The following CCDC66 variants were observed in gnomAD, a reference collection of about 807,000 sequenced individuals.
CCDC66 encodes the protein coiled-coil domain-containing protein 66.
CCDC66 carries 133 observed loss-of-function variants against 128.3 expected under a neutral mutation model. That is an observed-to-expected ratio of 1.04 (90% confidence interval 0.90 to 1.20). The LOEUF (loss-of-function observed/expected upper bound fraction) is 1.20. Ranked by LOEUF, CCDC66 falls within the 50% of genes most tolerant of loss-of-function variation. The pLI is 0.00. For missense variants in CCDC66, 1,126 were observed against 1,075.5 expected (o/e 1.05, Z -0.66); for synonymous variants, 387 against 357.0 (o/e 1.08, Z -0.95).
chr3:56,590,653 G>A (rs368962431), intron 7 of CCDC66, among the ~76,000 whole-genome samples: 3 of 152,144 alleles, frequency 2.0e-5, no homozygotes, highest in African/African-American at 7.2e-5. Context: ...CAGCTACTTG[G>A]GAATCTGAGG....
intron 17 of CCDC66, chr3:56,620,496 CTGT>C (rs1240791357): frequency 6.6e-6 from 1 of 152,222 alleles, no homozygotes; most frequent in East Asian, 1.9e-4. Context: ...TATATACTCT[CTGT>C]ACTTGAGGAA....
chr3:56,592,136 G>A (rs138933290), intron 7 of CCDC66, among the ~76,000 whole-genome samples: 28 of 152,082 alleles, frequency 1.8e-4, no homozygotes, highest in African/African-American at 6.5e-4. Context: ...AACATCATAG[G>A]CTGTGATAGA....
chr3:56,561,178 C>T (rs2065050958), intron 3 of CCDC66: 2 of 452,400 alleles, frequency 4.4e-6, no homozygotes, highest in South Asian at 3.2e-5. Flanking sequence ...TTATTTGAAA[C>T]ACATTCACAA....
At position 56,558,745 on chromosome 3, in the gene CCDC66, C is replaced by A. The variant is rs562988429; in HGVS notation, c.12-101C>A. The stretch of plus-strand genomic sequence containing the variant: ...TGTGTACAAGATTCCTGCATAAATT[C>A]AAAATAATGGATTTATTGTCAGGTT... On this transcript the variant is annotated intron_variant, in intron 1 of 17. Transcript: ENST00000394672. 8.1e-6 allele frequency: 7 copies of A among 861,302 alleles called. No homozygotes were observed. In the East Asian group the frequency reaches 1.9e-4, roughly 23 times the overall value. 53.4% of individuals were successfully genotyped at this position (861,302 alleles called of 1,614,324 possible).
intron 7 of CCDC66, among the ~76,000 whole-genome samples, chr3:56,577,176 G>C (rs1211736666): frequency 4.0e-5 from 6 of 151,836 alleles, no homozygotes; most frequent in African/African-American, 1.4e-4. Flanking sequence ...GGCCAGTGAT[G>C]ATGAGCATTT....
intron 6 of CCDC66, 62 bp downstream of exon 6, chr3:56,567,115 G>T: frequency 7.7e-7 from 1 of 1,293,664 alleles, no homozygotes; most frequent in South Asian, 1.2e-5. Flanking sequence ...ATTGAAGCCG[G>T]GCACGGTGGC....
chr3:56,580,923 T>G (rs1175750466), intron 7 of CCDC66, among the ~76,000 whole-genome samples: 8 of 151,950 alleles, frequency 5.3e-5, no homozygotes, highest in Non-Finnish European at 8.8e-5. Flanking sequence ...CTTTGTGGTG[T>G]TCTCTGTATT....
intron 7 of CCDC66, 104 bp from the exon 8 acceptor site, chr3:56,592,866 C>T (rs996319275): frequency 4.1e-5 from 46 of 1,135,234 alleles, no homozygotes; most frequent in Non-Finnish European, 5.7e-5. Context: ...CAGATAAATG[C>T]CTCAGTGGAT....
At chr3:56,598,214 G>A (rs2072482706) in intron 10 of CCDC66, among the ~76,000 whole-genome samples, 2 of 151,816 alleles carry the variant, frequency 1.3e-5, no homozygotes, top group South Asian at 2.1e-4. Context: ...CTGGACTTCA[G>A]TGGCACAATG....
rs570633413 is a variant in CCDC66 at position 56,583,871 on chromosome 3, C to T, written c.937-9099C>T. Among the ~76,000 whole-genome samples the T allele has an allele frequency of 3.3e-4, 49 of 148,874 alleles. 1 individual carries two copies. The highest frequency in any genetic ancestry group is 2.6e-3 in the South Asian group (12 of 4,684). ...GGGGCTCCTCACTTCCCAGAAGGGG[C>T]GGCCGGGCAGAGGCGCCCCCCACCT... is the stretch of plus-strand genomic sequence containing the variant. On this transcript the variant is annotated intron_variant, in intron 7 of 17. Coordinates refer to ENST00000394672, the MANE Select transcript of CCDC66 (RefSeq NM_001141947.3).
At chr3:56,568,731 A>C (rs2066224991) in intron 6 of CCDC66, among the ~76,000 whole-genome samples, 1 of 152,200 alleles carries the variant, frequency 6.6e-6, no homozygotes, top group South Asian at 2.1e-4. Context: ...AATGAAGAAG[A>C]ATCATTGTTG....
intron 7 of CCDC66, among the ~76,000 whole-genome samples, chr3:56,587,720 T>C (rs73081850): frequency 0.049 from 7,486 of 152,076 alleles, 189 homozygotes; most frequent in East Asian, 0.09. Flanking sequence ...AATACAAAAA[T>C]TAGCCAGGCG....
intron 10 of CCDC66, among the ~76,000 whole-genome samples, chr3:56,602,934 A>G (rs1258496110): frequency 6.8e-6 from 1 of 147,148 alleles, no homozygotes; most frequent in East Asian, 2.0e-4. Context: ...TCCCAGGTTC[A>G]CGCCATTCTC....
intron 7 of CCDC66, 63 bp from the exon 8 acceptor site, chr3:56,592,907 C>T (rs2071178923): frequency 1.3e-6 from 2 of 1,549,556 alleles, no homozygotes; most frequent in Non-Finnish European, 8.7e-7. Context: ...GCAAGATTTG[C>T]ACATATTAAG....
chr3:56,604,578 T>C (rs1161732448), intron 10 of CCDC66, among the ~76,000 whole-genome samples: 1 of 148,788 alleles, frequency 6.7e-6, no homozygotes, highest in Non-Finnish European at 1.5e-5. Flanking sequence ...TGAAAATTCT[T>C]TTTTTTTTTT....
At chr3:56,589,028 A>G (rs1231465848) in intron 7 of CCDC66, among the ~76,000 whole-genome samples, 1 of 152,208 alleles carries the variant, frequency 6.6e-6, no homozygotes, top group Non-Finnish European at 1.5e-5. Context: ...GGAAATACCT[A>G]CAATAAAATT....
intron 10 of CCDC66, among the ~76,000 whole-genome samples, chr3:56,612,360 G>A (rs182542713): frequency 5.3e-4 from 80 of 152,272 alleles, no homozygotes; most frequent in African/African-American, 1.9e-3. Context: ...GTAAAGTTTT[G>A]TTGTGAACGG....
intron 10 of CCDC66, among the ~76,000 whole-genome samples, chr3:56,606,072 G>A (rs2074028545): frequency 6.6e-6 from 1 of 152,054 alleles, no homozygotes; most frequent in Non-Finnish European, 1.5e-5. Flanking sequence ...TTTACACTAT[G>A]AGGGTAGAAC....
At chr3:56,600,368 C>T (rs2072944667) in intron 10 of CCDC66, among the ~76,000 whole-genome samples, 1 of 151,814 alleles carries the variant, frequency 6.6e-6, no homozygotes, top group Non-Finnish European at 1.5e-5. Context: ...AGGATGGTCT[C>T]AATCTCCTGA....
Sources: allele counts gnomAD v4.1 joint callset (sites outside exome capture counted in the v4.1 genomes callset), GRCh38; gene constraint gnomAD v4.1.1; transcripts MANE v1.5; gene names NCBI Gene and HGNC (gene_info 2026-07-23, HGNC 2026-07-21).